Variants in ATOH8 observed in about 807,000 individuals in gnomAD.
ATOH8 encodes atonal bHLH transcription factor 8.
Under a neutral mutation model 21.2 loss-of-function variants are expected in ATOH8, and 9 were observed. That is an observed-to-expected ratio of 0.42 (90% CI 0.26 to 0.74). The LOEUF (loss-of-function observed/expected upper bound fraction) is 0.74, where lower values mean the gene tolerates loss of function less well. Ranked by LOEUF, ATOH8 falls within the 30% of genes least tolerant of loss-of-function variation. ATOH8 has a pLI of 0.24. For missense variants in ATOH8, 524 were observed against 470.9 expected, an observed-to-expected ratio of 1.11 and a Z score of -1.04; for synonymous variants, 253 against 224.0, an observed-to-expected ratio of 1.13 and a Z score of -1.16.
chr2:85,758,653 G>A (rs929670176), intron 1 of ATOH8, among the ~76,000 whole-genome samples: 1 of 152,264 alleles, frequency 6.6e-6, no homozygotes, highest in South Asian at 2.1e-4. Context: ...GGTGGCTGCA[G>A]GGCCGCAGGT....
Position 85,780,852 on chromosome 2 carries a change from C to G in ATOH8, c.961-6033C>G, listed in dbSNP as rs955883940. ...TCGATTCATGCCATGTTCCCGCCCC[C>G]CGCAAATAGCAGCCAATTCCAACTG... On this transcript the variant is annotated intron_variant, in intron 2 of 2. Transcript: ENST00000306279. The G allele has an allele frequency of 8.1e-6, 8 of 984,574 alleles. No individual in the cohort carries two copies. The South Asian group carries it at 2.8e-4, about 35-fold the overall frequency. The allele number at this position is 984,574 out of a possible 1,614,324, so 61.0% of individuals were successfully genotyped here.
At position 85,754,614 on chromosome 2, in the gene ATOH8, C is replaced by G. The variant is rs750507102; in HGVS notation, c.425C>G (p.Ala142Gly). ...AGCCAGGCACCTGGGGGCCCAGAGG[C>G]ACAGCCTTTCCGGGAGCCGGGTCTG... ...PQSQAPGGPE[A>G]QPFREPGLRP... The change falls in exon 1 of 3, where the codon GCA (alanine) becomes GGA (glycine). Residue 142 changes from alanine to glycine, a missense_variant. Transcript: ENST00000306279. 33 of 1,497,880 alleles carry G rather than the reference C, an allele frequency of 2.2e-5. No individual in the cohort carries two copies. Among genetic ancestry groups the G allele is most frequent in the Non-Finnish European group, 2.8e-5 (32 of 1,130,314 alleles). The allele number at this position is 1,497,880 out of a possible 1,614,324, so 92.8% of individuals were successfully genotyped here.
intron 2 of ATOH8, chr2:85,780,820 A>G: frequency 1.0e-6 from 1 of 956,888 alleles, no homozygotes; most frequent in Non-Finnish European, 1.2e-6. Context: ...CGGACACAGC[A>G]CTATCCTCGA....
chr2:85,768,551 G>C (rs764290859), intron 2 of ATOH8, among the ~76,000 whole-genome samples: 4 of 151,192 alleles, frequency 2.6e-5, no homozygotes, highest in Non-Finnish European at 4.4e-5. Flanking sequence ...CCCATGCAGG[G>C]ACTGCTTCCC....
chr2:85,754,842 C>A lies in ATOH8; in HGVS notation c.653C>A (p.Thr218Asn), dbSNP rs771951468. 1 of 1,612,556 alleles carries A rather than the reference C, an allele frequency of 6.2e-7. No homozygotes were observed. Among genetic ancestry groups the A allele is most frequent in the South Asian group, 1.1e-5 (1 of 91,090 alleles). Residue 218 changes from threonine (T) to asparagine (N), a missense_variant, in exon 1 of 3, where the codon ACT becomes AAT. Transcript: ENST00000306279. ...ASPRKRPGEA[T>N]AASSEIKALQ... ...CCTAGGAAACGACCGGGCGAAGCGA[C>A]TGCCGCCTCCTCCGAGATCAAAGCC... is the stretch of plus-strand genomic sequence containing the variant.
intron 1 of ATOH8, among the ~76,000 whole-genome samples, chr2:85,760,581 A>G (rs570799312): frequency 1.3e-5 from 2 of 152,374 alleles, no homozygotes; most frequent in South Asian, 4.1e-4. Context: ...TGGGAGATCC[A>G]GGAAATTCCT....
rs546613631 is a variant in ATOH8 at position 85,758,784 on chromosome 2, C to A, written c.768+3827C>A. On this transcript the variant is annotated intron_variant, in intron 1 of 2. Transcript: ENST00000306279. ...GCAGCTGCACCAGAGCCCTCCCTGC[C>A]GCCTCATGTGAAGGCCATGTGTGCA... 2.0e-5 allele frequency among the ~76,000 whole-genome samples: 3 copies of A among 152,340 alleles called. No individual in the cohort carries two copies. In the East Asian group the frequency reaches 5.8e-4, roughly 29 times the overall value.
chr2:85,778,351 A>G (rs1260875943), intron 2 of ATOH8, among the ~76,000 whole-genome samples: 1 of 151,946 alleles, frequency 6.6e-6, no homozygotes, highest in African/African-American at 2.4e-5. Context: ...AAGACCTCTA[A>G]TCAGAGATGT....
In ATOH8 at chr2:85,788,411, C is replaced by T. The variant is rs891306742; in HGVS notation, c.*1521C>T. Among the ~76,000 whole-genome samples the T allele has an allele frequency of 1.1e-4, 17 of 152,152 alleles. No individual in the cohort carries two copies. The highest frequency in any genetic ancestry group is 4.1e-4 in the African/African-American group (17 of 41,426). ...GAGGCCTCAAGTAGACAGGGTCAGTCGGTGACAGAGCCAGTCATCGAATCA... is the reference window on the plus strand; with the variant it reads ...GAGGCCTCAAGTAGACAGGGTCAGTTGGTGACAGAGCCAGTCATCGAATCA... On this transcript the variant is annotated 3_prime_UTR_variant, in exon 3 of 3. Coordinates refer to ENST00000306279, the MANE Select transcript of ATOH8 (RefSeq NM_032827.7).
At position 85,768,215 on chromosome 2, in the gene ATOH8, A is replaced by G. The variant is rs186152705; in HGVS notation, c.960+4033A>G. Among the ~76,000 whole-genome samples the G allele has an allele frequency of 2.0e-5, 3 of 152,294 alleles. No individual in the cohort carries two copies. In the East Asian group the frequency reaches 5.8e-4, roughly 29 times the overall value. On this transcript the variant is annotated intron_variant, in intron 2 of 2. Coordinates refer to ENST00000306279, the MANE Select transcript of ATOH8 (RefSeq NM_032827.7). Reference sequence around the variant, plus strand: ...AAAATGAGATGACCACCTAAGGCCTACTTGCTTCCCAGCCCTTCCTACCCC... The same window carrying G: ...AAAATGAGATGACCACCTAAGGCCTGCTTGCTTCCCAGCCCTTCCTACCCC...
chr2:85,772,721 A>G lies in ATOH8; in HGVS notation c.960+8539A>G, dbSNP rs554612983. 1.8e-5 allele frequency: 8 copies of G among 456,950 alleles called. No individual in the cohort carries two copies. The East Asian group carries it at 4.2e-4, about 24-fold the overall frequency. The allele number at this position is 456,950 out of a possible 1,614,324, so 28.3% of individuals were successfully genotyped here. ...TGTGAGAGAGGAAACTCGCTTATGA[A>G]TAACAGGACTGGACGCCGTAAAAGT... On this transcript the variant is annotated intron_variant, in intron 2 of 2. Transcript: ENST00000306279.
intron 2 of ATOH8, 111 bp from the exon 3 acceptor site, chr2:85,786,774 G>A: frequency 6.5e-7 from 1 of 1,530,200 alleles, no homozygotes; most frequent in Middle Eastern, 2.3e-4. Context: ...AACCCTTCAA[G>A]GTGGGGGCCC....
At chr2:85,767,102 G>A (rs1004710835) in intron 2 of ATOH8, among the ~76,000 whole-genome samples, 4 of 150,092 alleles carry the variant, frequency 2.7e-5, no homozygotes, top group African/African-American at 4.9e-5. Context: ...CCTGGCTTTC[G>A]AGTTGCAATT....
At chr2:85,774,630 A>G in intron 2 of ATOH8, 2 of 985,484 alleles carry the variant, frequency 2.0e-6, no homozygotes, top group Non-Finnish European at 2.4e-6. Flanking sequence ...TGCTCTGCTG[A>G]AAGCTGGTCA....
At chr2:85,763,335 C>T (rs576068360) in intron 1 of ATOH8, among the ~76,000 whole-genome samples, 2 of 152,254 alleles carry the variant, frequency 1.3e-5, no homozygotes, top group Non-Finnish European at 2.9e-5. Context: ...CATTGACAAA[C>T]GTGTCAAGTT....
rs1009487579 is a variant in ATOH8 at position 85,766,092 on chromosome 2, C to A, written c.960+1910C>A. 6.6e-6 allele frequency among the ~76,000 whole-genome samples: 1 copy of A among 151,968 alleles called. No individual in the cohort carries two copies. The highest frequency in any genetic ancestry group is 1.9e-4 in the East Asian group (1 of 5,184). ...CAGTTTTCTTGTTGATAAGTGGGGA[C>A]GGTGGAAATACTCACTCATGGGCCA... On this transcript the variant is annotated intron_variant, in intron 2 of 2. Coordinates refer to ENST00000306279, the MANE Select transcript of ATOH8 (RefSeq NM_032827.7). The surrounding 1 kb of genome is among the most constrained non-coding windows in gnomAD (Gnocchi z 4.0).
chr2:85,776,264 T>TG (rs1680320034), intron 2 of ATOH8, among the ~76,000 whole-genome samples: 1 of 152,124 alleles, frequency 6.6e-6, no homozygotes, highest in East Asian at 1.9e-4. Flanking sequence ...GCTTCAGGGG[T>TG]TGCCTGGCGG....
At chr2:85,765,402 C>A (rs1429593969) in intron 2 of ATOH8, among the ~76,000 whole-genome samples, 2 of 152,220 alleles carry the variant, frequency 1.3e-5, no homozygotes, top group Admixed American at 1.3e-4. Flanking sequence ...CAGGGCTCCC[C>A]GCTGCCGCTG....
Position 85,761,711 on chromosome 2 carries a change from T to G in ATOH8, c.769-2280T>G, listed in dbSNP as rs183843447. Among the ~76,000 whole-genome samples the G allele has an allele frequency of 2.3e-3, 345 of 152,332 alleles. 3 individuals carry two copies. Among genetic ancestry groups the G allele is most frequent in the African/African-American group, 7.3e-3 (302 of 41,580 alleles). On this transcript the variant is annotated intron_variant, in intron 1 of 2. Transcript: ENST00000306279. Reference sequence around the variant, plus strand: ...CCAGTCCCCAGAGTCTCCCTCAGGCTGCCACACCCTCCCTGGGGTGAAGAG... The same window carrying G: ...CCAGTCCCCAGAGTCTCCCTCAGGCGGCCACACCCTCCCTGGGGTGAAGAG...
Sources: gnomAD v4.1 joint callset for allele counts (sites outside exome capture counted in the v4.1 genomes callset) on GRCh38, gnomAD v4.1.1 for gene constraint, Gnocchi (gnomAD v3.1) non-coding constraint, MANE v1.5 for transcripts, NCBI Gene and HGNC (gene_info 2026-07-23, HGNC 2026-07-21) for gene names.